The following UGT1A5 variants were observed in gnomAD, a reference collection of about 807,000 sequenced individuals.
UGT1A5 encodes the protein UDP glucuronosyltransferase family 1 member A5.
In UGT1A5, 29 loss-of-function variants were observed where a neutral mutation model predicts 40.3. The ratio of observed to expected loss-of-function variants is 0.72; its 90% CI spans 0.54 to 0.98. The LOEUF (loss-of-function observed/expected upper bound fraction) is 0.98, where lower values mean the gene tolerates loss of function less well. Among genes scored for constraint, UGT1A5 ranks in the 50% least tolerant of loss-of-function variants. The probability of loss-of-function intolerance (pLI) is 0.00; values close to 1 mark genes in which losing one functional copy is unlikely to be tolerated. For synonymous variants in UGT1A5, 257 were observed against 262.5 expected, an observed-to-expected ratio of 0.98 and a Z score of 0.20; for missense variants, 678 against 677.9, an observed-to-expected ratio of 1.00 and a Z score of 0.00.
At chr2:233,743,311 A>AT (rs1692260590) in intron 1 of UGT1A5, 3 of 650,626 alleles carry the variant, frequency 4.6e-6, no homozygotes, top group Non-Finnish European at 7.4e-6. Flanking sequence ...CTTGGTGGTG[A>AT]TTTTTTTACC....
At chr2:233,747,366 C>A in intron 1 of UGT1A5, 1 of 1,604,318 alleles carries the variant, frequency 6.2e-7, no homozygotes, top group Non-Finnish European at 8.5e-7. Context: ...GCGGGAGCTC[C>A]ATGCCAGAGG....
chr2:233,748,199 G>A (rs1164871167), intron 1 of UGT1A5: 58 of 1,533,096 alleles, frequency 3.8e-5, no homozygotes, highest in Non-Finnish European at 4.6e-5. Context: ...TCTGCTTGTC[G>A]TAATAGCCTT....
chr2:233,747,362 G>A, intron 1 of UGT1A5: 1 of 1,603,780 alleles, frequency 6.2e-7, no homozygotes, highest in Non-Finnish European at 8.5e-7. Flanking sequence ...CCGTGCGGGA[G>A]CTCCATGCCA....
At chr2:233,750,427 C>A (rs900891099) in intron 1 of UGT1A5, among the ~76,000 whole-genome samples, 6 of 151,902 alleles carry the variant, frequency 3.9e-5, no homozygotes, top group African/African-American at 1.5e-4. Flanking sequence ...AAGAAAAACC[C>A]ATTTTATGGG....
At chr2:233,717,896 G>T (rs1418345167) in intron 1 of UGT1A5, 1 of 454,828 alleles carries the variant, frequency 2.2e-6, no homozygotes, top group South Asian at 1.6e-5. Flanking sequence ...ATAATCTTCA[G>T]GATGAAATAA....
At position 233,748,684 on chromosome 2, in the gene UGT1A5, A is replaced by C. The variant is rs576819549; in HGVS notation, c.868-18350A>C. On this transcript the variant is annotated intron_variant, in intron 1 of 4. Transcript: ENST00000373414. ...TCCAGAGAGGGATCTGTGCTGACAA[A>C]AGATTTTTCTGGTCAGGATTTGGGG... Among the ~76,000 whole-genome samples, 46 of 151,796 alleles carry C rather than the reference A, an allele frequency of 3.0e-4. 1 individual carries two copies. Among genetic ancestry groups the C allele is most frequent in the Non-Finnish European group, 4.4e-4 (30 of 68,030 alleles).
At chr2:233,756,656 A>G (rs934932092) in intron 1 of UGT1A5, among the ~76,000 whole-genome samples, 3 of 152,202 alleles carry the variant, frequency 2.0e-5, no homozygotes, top group Non-Finnish European at 4.4e-5. Flanking sequence ...CATGGGATGC[A>G]GTGATTATTT....
chr2:233,729,914 T>C (rs774517230), intron 1 of UGT1A5: 73 of 1,613,908 alleles, frequency 4.5e-5, no homozygotes, highest in Non-Finnish European at 5.8e-5. Context: ...GACTTTGTGA[T>C]GGACTACCCC....
At chr2:233,729,636 G>T (rs755096883) in intron 1 of UGT1A5, 3 of 1,613,468 alleles carry the variant, frequency 1.9e-6, no homozygotes, top group East Asian at 4.5e-5. Flanking sequence ...TTCCTACTGT[G>T]TTTTTTTTGA....
At chr2:233,747,630 C>G in intron 1 of UGT1A5, 1 of 1,577,990 alleles carries the variant, frequency 6.3e-7, no homozygotes, top group Non-Finnish European at 8.7e-7. Flanking sequence ...CCTGATCAGG[C>G]ACCTGAATGC....
Position 233,773,068 on chromosome 2 carries a change from G to C in UGT1A5, c.*509G>C, listed in dbSNP as rs1488458773. Reference sequence around the variant, plus strand: ...TGTACCTTTAGAGTGTAGGTGAAATGAATGAATGGCTTGGAGTGCACTGAG... The same window carrying C: ...TGTACCTTTAGAGTGTAGGTGAAATCAATGAATGGCTTGGAGTGCACTGAG... On this transcript the variant is annotated 3_prime_UTR_variant, in exon 5 of 5. Coordinates refer to ENST00000373414, the MANE Select transcript of UGT1A5 (RefSeq NM_019078.2). 5.8e-6 allele frequency: 1 copy of C among 171,412 alleles called. No homozygotes were observed. Among genetic ancestry groups the C allele is most frequent in the Non-Finnish European group, 1.3e-5 (1 of 78,258 alleles). The allele number at this position is 171,412 out of a possible 1,614,324, so 10.6% of individuals were successfully genotyped here. A position where few individuals can be genotyped will look rare whatever the true frequency, so the allele number is the denominator to read the frequency against.
chr2:233,772,131 CAAT>C, intron 4 of UGT1A5, 128 bp from the exon 5 acceptor site: 4 of 1,543,198 alleles, frequency 2.6e-6, no homozygotes, highest in Middle Eastern at 2.3e-4. Flanking sequence ...ACAACAACAA[CAAT>C]AATAGAAACA....
intron 1 of UGT1A5, chr2:233,761,144 T>A: frequency 6.2e-7 from 1 of 1,614,254 alleles, no homozygotes; most frequent in Non-Finnish European, 8.5e-7. Flanking sequence ...CAAAATCCAC[T>A]ATCCCAGGTG....
chr2:233,752,697 G>A (rs1396469701), intron 1 of UGT1A5, among the ~76,000 whole-genome samples: 1 of 152,136 alleles, frequency 6.6e-6, no homozygotes, highest in African/African-American at 2.4e-5. Context: ...GTTTACTAGT[G>A]GGGTATGATC....
At chr2:233,743,408 C>T in intron 1 of UGT1A5, 1 of 1,315,376 alleles carries the variant, frequency 7.6e-7, no homozygotes. Flanking sequence ...GAAAGGCCCC[C>T]ACTTCCCAGG....
chr2:233,770,961 C>T (rs898469927), intron 4 of UGT1A5: 13 of 152,156 alleles, frequency 8.5e-5, no homozygotes, highest in African/African-American at 3.1e-4. Flanking sequence ...GGAGCTTTTA[C>T]TCATGGCAGA....
chr2:233,743,431 C>G (rs755334550), intron 1 of UGT1A5: 1 of 1,354,434 alleles, frequency 7.4e-7, no homozygotes, highest in East Asian at 4.7e-5. Flanking sequence ...GCCAAAGGAA[C>G]GAAATCCTGT....
chr2:233,772,380 C>T lies in UGT1A5; in HGVS notation c.1426C>T (p.Arg476Cys), dbSNP rs566674185. ...GAGGCACAAGGGCGCGCCACACCTGCGCCCCGCAGCCCACGACCTCACCTG... is the reference window on the plus strand; with the variant it reads ...GAGGCACAAGGGCGCGCCACACCTGTGCCCCGCAGCCCACGACCTCACCTG... ...VMRHKGAPHL[R>C]PAAHDLTWYQ... The change falls in exon 5 of 5, where the codon CGC becomes TGC. Residue 476 changes from arginine to cysteine, a missense_variant. Coordinates refer to ENST00000373414, the MANE Select transcript of UGT1A5 (RefSeq NM_019078.2). 5.6e-6 allele frequency: 9 copies of T among 1,614,144 alleles called. No homozygotes were observed. The highest frequency in any genetic ancestry group is 4.0e-5 in the African/African-American group (3 of 74,944).
intron 1 of UGT1A5, among the ~76,000 whole-genome samples, chr2:233,716,575 T>C (rs760406565): frequency 1.3e-5 from 2 of 152,244 alleles, no homozygotes; most frequent in African/African-American, 4.8e-5. Flanking sequence ...TTAAAAACAA[T>C]ACTTTCAAAG....
Sources: allele counts gnomAD v4.1 joint callset (sites outside exome capture counted in the v4.1 genomes callset), GRCh38; gene constraint gnomAD v4.1.1; transcripts MANE v1.5; gene names NCBI Gene and HGNC (gene_info 2026-07-23, HGNC 2026-07-21).